Variants in PTPRK observed in about 807,000 individuals in gnomAD.
The protein encoded by PTPRK is protein tyrosine phosphatase receptor type K, also known as receptor-type tyrosine-protein phosphatase kappa.
Under a neutral mutation model 178.0 loss-of-function variants are expected in PTPRK, and 75 were observed. The observed-to-expected ratio is 0.42, with a 90% CI of 0.35 to 0.51. PTPRK has a LOEUF of 0.51. PTPRK is among the 20% of genes least tolerant of loss of function. The probability of loss-of-function intolerance (pLI) is 0.02; values close to 1 mark genes in which losing one functional copy is unlikely to be tolerated. For synonymous variants in PTPRK, 637 were observed against 620.6 expected, an observed-to-expected ratio of 1.03 and a Z score of -0.39; for missense variants, 1,441 against 1,797.8, an observed-to-expected ratio of 0.80 and a Z score of 3.59.
intron 2 of PTPRK, among the ~76,000 whole-genome samples, chr6:128,351,156 T>C (rs142008035): frequency 1.4e-4 from 22 of 152,294 alleles, no homozygotes; most frequent in African/African-American, 5.1e-4. Flanking sequence ...GCCTGATAAA[T>C]GAGATTTTTA....
At chr6:128,299,739 T>A (rs1472630871) in intron 3 of PTPRK, among the ~76,000 whole-genome samples, 2 of 152,164 alleles carry the variant, frequency 1.3e-5, no homozygotes, top group Admixed American at 6.5e-5. Context: ...GATTAAAGAC[T>A]TAAACGTTAG....
At chr6:128,308,451 G>C (rs539134955) in intron 3 of PTPRK, among the ~76,000 whole-genome samples, 1 of 151,220 alleles carries the variant, frequency 6.6e-6, no homozygotes, top group Admixed American at 6.6e-5. Context: ...TTAAATACAC[G>C]AACTGCTTGC....
intron 5 of PTPRK, among the ~76,000 whole-genome samples, chr6:128,225,552 C>T (rs1054630031): frequency 2.6e-5 from 4 of 152,066 alleles, no homozygotes; most frequent in African/African-American, 9.7e-5. Flanking sequence ...ATACTATCAT[C>T]ATCACAATCA....
chr6:128,518,318 A>T (rs537667899), intron 1 of PTPRK, among the ~76,000 whole-genome samples: 1 of 152,238 alleles, frequency 6.6e-6, no homozygotes, highest in Non-Finnish European at 1.5e-5. Flanking sequence ...ACAATTGTTT[A>T]TTGTACGTAT....
intron 2 of PTPRK, among the ~76,000 whole-genome samples, chr6:128,332,417 T>C (rs1830395720): frequency 6.6e-6 from 1 of 152,216 alleles, no homozygotes. Context: ...CTCTCTGTCT[T>C]GTTTCCTCAT....
intron 5 of PTPRK, among the ~76,000 whole-genome samples, chr6:128,239,165 T>C (rs967850577): frequency 1.3e-5 from 2 of 148,292 alleles, no homozygotes; most frequent in Non-Finnish European, 3.0e-5. Flanking sequence ...GGCATTCTCA[T>C]GAATTTAAAA....
At chr6:128,507,667 G>C (rs939926409) in intron 1 of PTPRK, among the ~76,000 whole-genome samples, 1 of 152,154 alleles carries the variant, frequency 6.6e-6, no homozygotes, top group Non-Finnish European at 1.5e-5. Flanking sequence ...CCAGGCAAGA[G>C]AGGCAGTTCA....
At chr6:128,343,500 CAA>C (rs1199189035) in intron 2 of PTPRK, among the ~76,000 whole-genome samples, 5 of 68,338 alleles carry the variant, frequency 7.3e-5, no homozygotes, top group Non-Finnish European at 6.5e-5. Context: ...AACTCCATCT[CAA>C]AAAAAAAAAA....
intron 25 of PTPRK, 57 bp downstream of exon 25, chr6:127,981,056 TCAG>T: frequency 7.0e-7 from 1 of 1,429,668 alleles, no homozygotes; most frequent in Non-Finnish European, 9.5e-7. Context: ...TAGCCAGTGT[TCAG>T]TTGCATTATG....
chr6:128,110,974 C>T (rs1790556225), intron 7 of PTPRK, among the ~76,000 whole-genome samples: 1 of 152,108 alleles, frequency 6.6e-6, no homozygotes, highest in African/African-American at 2.4e-5. Flanking sequence ...ACTGTCAGGA[C>T]CTACATATCA....
chr6:128,258,417 T>C (rs1413428480), intron 3 of PTPRK, among the ~76,000 whole-genome samples: 2 of 152,152 alleles, frequency 1.3e-5, no homozygotes, highest in East Asian at 1.9e-4. Flanking sequence ...GAAGTGCTCA[T>C]GCTAACACTA....
intron 6 of PTPRK, among the ~76,000 whole-genome samples, chr6:128,202,717 C>T (rs1031692396): frequency 1.3e-5 from 2 of 152,200 alleles, no homozygotes; most frequent in Middle Eastern, 3.4e-3. Flanking sequence ...AAATAGAATC[C>T]CTGGATAGAC....
At chr6:128,130,832 C>G (rs886373233) in intron 7 of PTPRK, among the ~76,000 whole-genome samples, 1 of 149,616 alleles carries the variant, frequency 6.7e-6, no homozygotes, top group Non-Finnish European at 1.5e-5. Flanking sequence ...TAAGGAAGTA[C>G]CGATATAAAA....
chr6:128,017,926 C>T (rs1041235283), intron 13 of PTPRK, among the ~76,000 whole-genome samples: 9 of 149,238 alleles, frequency 6.0e-5, no homozygotes, highest in South Asian at 4.2e-4. Flanking sequence ...TAGGACTGTT[C>T]TGCAGAGGTC....
chr6:128,060,953 G>A lies in PTPRK; in HGVS notation c.2194+3805C>T, dbSNP rs190391600. ...AGTACTGTAACCTGTTTGATTAAAC[G>A]TGAAAGCAGAAGCATCTACCTTACG... is the stretch of plus-strand genomic sequence containing the variant. On this transcript the variant is annotated intron_variant, in intron 13 of 29. Transcript: ENST00000368226. 2.1e-3 allele frequency among the ~76,000 whole-genome samples: 321 copies of A among 152,156 alleles called. 2 individuals are homozygous for A. The highest frequency in any genetic ancestry group is 7.4e-3 in the African/African-American group (309 of 41,518).
chr6:128,080,365 C>A (rs564482483), intron 10 of PTPRK, among the ~76,000 whole-genome samples: 20 of 151,420 alleles, frequency 1.3e-4, no homozygotes, highest in African/African-American at 4.1e-4. Context: ...TACAAGATTG[C>A]GAAAATATTT....
At chr6:128,470,739 A>G (rs1850517197) in intron 1 of PTPRK, among the ~76,000 whole-genome samples, 2 of 148,120 alleles carry the variant, frequency 1.4e-5, no homozygotes, top group South Asian at 2.1e-4. Flanking sequence ...AGAAGAAACA[A>G]TATCTCTCTC....
chr6:128,139,405 T>C (rs1306633815), intron 7 of PTPRK, among the ~76,000 whole-genome samples: 1 of 151,988 alleles, frequency 6.6e-6, no homozygotes, highest in Non-Finnish European at 1.5e-5. Flanking sequence ...GTCACTAATA[T>C]AAAATGAGTG....
In PTPRK at chr6:128,218,989, C is replaced by T; in HGVS notation, c.801G>A (p.Leu267=). ...LQEVTKTDQD[L]YRCVTQSERG... Reference sequence around the variant, plus strand: ...GTTCTGACTGAGTTACACAGCGATACAAATCCTGGTCAGTTTTTGTCACTT... The same window carrying T: ...GTTCTGACTGAGTTACACAGCGATATAAATCCTGGTCAGTTTTTGTCACTT... The change falls in exon 6 of 30, where the codon TTG becomes TTA. Residue 267 remains leucine, a synonymous_variant. Coordinates refer to ENST00000368226, the MANE Select transcript of PTPRK (RefSeq NM_002844.4). The T allele has an allele frequency of 6.2e-7, 1 of 1,614,092 alleles. No homozygotes were observed. The highest frequency in any genetic ancestry group is 8.5e-7 in the Non-Finnish European group (1 of 1,179,980).
Sources: allele counts gnomAD v4.1 joint callset (sites outside exome capture counted in the v4.1 genomes callset), GRCh38; gene constraint gnomAD v4.1.1; transcripts MANE v1.5; gene names NCBI Gene and HGNC (gene_info 2026-07-23, HGNC 2026-07-21).